The following OXR1 variants were observed in gnomAD, a reference collection of about 807,000 sequenced individuals.
The protein encoded by OXR1 is oxidation resistance 1.
A neutral mutation model predicts 104.6 loss-of-function variants in OXR1; 41 were observed. The ratio of observed to expected loss-of-function variants is 0.39; its 90% CI spans 0.31 to 0.51. The LOEUF is 0.51. Among genes scored for constraint, OXR1 ranks in the 20% least tolerant of loss-of-function variants. OXR1 has a pLI of 0.77. For synonymous variants in OXR1, 348 were observed against 348.4 expected (o/e 1.00, Z 0.01); for missense variants, 955 against 1,031.9 (o/e 0.93, Z 1.02).
intron 3 of OXR1, among the ~76,000 whole-genome samples, chr8:106,588,706 C>A (rs1023899332): frequency 3.3e-5 from 5 of 151,920 alleles, no homozygotes; most frequent in African/African-American, 1.2e-4. Context: ...GTCTCAAACT[C>A]CTGACTTCAT....
rs191851090 is a variant in OXR1 at position 106,388,494 on chromosome 8, C to T, written c.23+28858C>T. Among the ~76,000 whole-genome samples, 81 of 151,876 alleles carry T rather than the reference C, an allele frequency of 5.3e-4. 1 individual carries two copies. The highest frequency in any genetic ancestry group is 1.6e-3 in the Admixed American group (25 of 15,240). ...CTGGAGTGCAATGGCATGATCTCTG[C>T]TCACGGCAACCTCTGCCTCCCTGGT... On this transcript the variant is annotated intron_variant, in intron 2 of 16. Transcript: ENST00000517566.
rs955107398 is a variant in OXR1 at position 106,610,486 on chromosome 8, C to T, written c.221-68724C>T. 3.9e-5 allele frequency among the ~76,000 whole-genome samples: 6 copies of T among 152,170 alleles called. 1 individual carries two copies. Among genetic ancestry groups the T allele is most frequent in the Non-Finnish European group, 7.3e-5 (5 of 68,034 alleles). On this transcript the variant is annotated intron_variant, in intron 3 of 16. Coordinates refer to ENST00000517566, the MANE Select transcript of OXR1 (RefSeq NM_001198533.2). ...AAAATCCAAATCCTCAATACAATTA[C>T]AATGCATGTGAAGACACTGGTTCTT...
chr8:106,276,753 CA>C (rs56303147), intron 1 of OXR1, among the ~76,000 whole-genome samples: 2,016 of 77,760 alleles, frequency 0.026, 4 homozygotes, highest in Admixed American at 0.041. Flanking sequence ...CTGTTAGAGG[CA>C]AAAAAAAAAA....
intron 1 of OXR1, among the ~76,000 whole-genome samples, chr8:106,333,061 TA>T (rs1178889784): frequency 1.3e-5 from 2 of 152,178 alleles, no homozygotes; most frequent in Non-Finnish European, 2.9e-5. Context: ...TAAACTAGAA[TA>T]ATTCCACTTT....
At chr8:106,612,413 T>C (rs1363526549) in intron 3 of OXR1, among the ~76,000 whole-genome samples, 8 of 152,070 alleles carry the variant, frequency 5.3e-5, no homozygotes, top group Non-Finnish European at 8.8e-5. Context: ...TTTGGGGGGG[T>C]ATAATAACCT....
At chr8:106,438,829 G>A (rs1296299442) in intron 2 of OXR1, among the ~76,000 whole-genome samples, 4 of 152,014 alleles carry the variant, frequency 2.6e-5, no homozygotes, top group Non-Finnish European at 5.9e-5. Context: ...GCACTACTCC[G>A]CTTCCCATAA....
intron 1 of OXR1, among the ~76,000 whole-genome samples, chr8:106,345,742 C>T (rs930278169): frequency 2.6e-5 from 4 of 152,140 alleles, no homozygotes; most frequent in African/African-American, 4.8e-5. Context: ...CTCTATAATG[C>T]TTGTATTTTC....
chr8:106,627,874 C>G (rs917450648), intron 3 of OXR1, among the ~76,000 whole-genome samples: 1 of 152,136 alleles, frequency 6.6e-6, no homozygotes, highest in African/African-American at 2.4e-5. Flanking sequence ...ACAGGGGATC[C>G]ACCAGCTATC....
At chr8:106,317,824 G>A (rs1377268193) in intron 1 of OXR1, among the ~76,000 whole-genome samples, 1 of 151,336 alleles carries the variant, frequency 6.6e-6, no homozygotes, top group African/African-American at 2.4e-5. Flanking sequence ...GAGTGGGAGA[G>A]TTTGTATTGT....
intron 3 of OXR1, among the ~76,000 whole-genome samples, chr8:106,646,800 T>A (rs1223389230): frequency 6.6e-6 from 1 of 152,164 alleles, no homozygotes; most frequent in Non-Finnish European, 1.5e-5. Context: ...AAAATGAGAA[T>A]GTTTGTCTTC....
intron 3 of OXR1, among the ~76,000 whole-genome samples, chr8:106,660,606 C>G (rs1056513360): frequency 1.6e-4 from 25 of 152,182 alleles, no homozygotes; most frequent in African/African-American, 6.0e-4. Flanking sequence ...CTTCTCACAA[C>G]CCAACATCGG....
chr8:106,515,805 A>G (rs1048375520), intron 2 of OXR1, among the ~76,000 whole-genome samples: 1 of 152,156 alleles, frequency 6.6e-6, no homozygotes, highest in East Asian at 1.9e-4. Context: ...AGATAAAGCT[A>G]TACAGTGTAA....
intron 2 of OXR1, among the ~76,000 whole-genome samples, chr8:106,473,870 A>C (rs1355896066): frequency 6.7e-6 from 1 of 148,918 alleles, no homozygotes; most frequent in Admixed American, 6.7e-5. Context: ...TTTTGCCACC[A>C]TTATAAGTAC....
At chr8:106,609,966 C>T (rs1563641004) in intron 3 of OXR1, among the ~76,000 whole-genome samples, 1 of 152,102 alleles carries the variant, frequency 6.6e-6, no homozygotes, top group African/African-American at 2.4e-5. Context: ...TATCAGTTCA[C>T]ATCTGTGGGA....
At chr8:106,355,479 G>A (rs1815926841) in intron 1 of OXR1, among the ~76,000 whole-genome samples, 1 of 151,840 alleles carries the variant, frequency 6.6e-6, no homozygotes, top group Admixed American at 6.6e-5. Context: ...AATATAACAG[G>A]CTTTTTAATT....
At chr8:106,370,206 T>C (rs1816644918) in intron 2 of OXR1, among the ~76,000 whole-genome samples, 1 of 152,212 alleles carries the variant, frequency 6.6e-6, no homozygotes. Flanking sequence ...GCTTGCTTAT[T>C]GTTGGTGTAA....
intron 2 of OXR1, among the ~76,000 whole-genome samples, chr8:106,433,719 G>T (rs1819456056): frequency 6.6e-6 from 1 of 152,246 alleles, no homozygotes; most frequent in African/African-American, 2.4e-5. Context: ...CTCTTTATCT[G>T]TATATCTAAT....
intron 7 of OXR1, among the ~76,000 whole-genome samples, chr8:106,693,806 A>C (rs371289906): frequency 4.8e-4 from 73 of 152,166 alleles, no homozygotes; most frequent in African/African-American, 1.7e-3. Context: ...AATATAGTAA[A>C]GTAATAGAGT....
At chr8:106,686,294 A>T (rs1378090376) in intron 6 of OXR1, among the ~76,000 whole-genome samples, 1 of 151,988 alleles carries the variant, frequency 6.6e-6, no homozygotes, top group Non-Finnish European at 1.5e-5. Context: ...AATTAAAAAA[A>T]AAAAAAAAAG....
Sources: allele counts gnomAD v4.1 joint callset (sites outside exome capture counted in the v4.1 genomes callset), GRCh38; gene constraint gnomAD v4.1.1; transcripts MANE v1.5; gene names NCBI Gene and HGNC (gene_info 2026-07-23, HGNC 2026-07-21).